The following CYP2C19 variants were observed in gnomAD, a reference collection of about 807,000 sequenced individuals.
CYP2C19 encodes the protein cytochrome P450 family 2 subfamily C member 19, also known as cytochrome P450 2C19.
A neutral mutation model predicts 40.9 loss-of-function variants in CYP2C19; 59 were observed. The observed-to-expected ratio is 1.44, with a 90% CI of 1.17 to 1.79. The LOEUF is 1.79. CYP2C19 is among the 40% of genes most tolerant of loss of function. CYP2C19 has a pLI of 0.00. For missense variants in CYP2C19, 754 were observed against 596.9 expected (o/e 1.26, Z -2.74); for synonymous variants, 253 against 208.7 (o/e 1.21, Z -1.83).
rs1849365868 is a variant in CYP2C19 at position 94,834,013 on chromosome 10, A to G, written c.962-8824A>G. 6.6e-5 allele frequency among the ~76,000 whole-genome samples: 10 copies of G among 152,314 alleles called. No homozygotes were observed. In the South Asian group the frequency reaches 2.1e-3, roughly 32 times the overall value. Reference sequence around the variant, plus strand: ...TTGGTATCAGGGTAATACTGGCTTCATAGAATGAGTTTGGAAGTATTCTCT... The same window carrying G: ...TTGGTATCAGGGTAATACTGGCTTCGTAGAATGAGTTTGGAAGTATTCTCT... On this transcript the variant is annotated intron_variant, in intron 6 of 8. Coordinates refer to ENST00000371321, the MANE Select transcript of CYP2C19 (RefSeq NM_000769.4).
intron 6 of CYP2C19, among the ~76,000 whole-genome samples, chr10:94,835,823 C>T (rs901276649): frequency 6.6e-6 from 1 of 152,206 alleles, no homozygotes; most frequent in Admixed American, 6.5e-5. Flanking sequence ...CGAGTGAGGG[C>T]TATTAGTTCT....
chr10:94,789,054 G>C (rs1477709720), intron 5 of CYP2C19, among the ~76,000 whole-genome samples: 1 of 152,068 alleles, frequency 6.6e-6, no homozygotes, highest in African/African-American at 2.4e-5. Flanking sequence ...GGCATGTGAT[G>C]GTATCTCATT....
intron 6 of CYP2C19, among the ~76,000 whole-genome samples, chr10:94,831,213 CTT>C (rs201682436): frequency 7.2e-5 from 11 of 152,152 alleles, no homozygotes; most frequent in African/African-American, 2.7e-4. Flanking sequence ...GAATCTCATT[CTT>C]TTTTTATGGC....
At chr10:94,768,928 C>T (rs923947438) in intron 1 of CYP2C19, among the ~76,000 whole-genome samples, 20 of 152,154 alleles carry the variant, frequency 1.3e-4, no homozygotes, top group Non-Finnish European at 2.2e-4. Context: ...TGAGTATTTG[C>T]CCTCTGGGTT....
In CYP2C19 at chr10:94,819,118, A is replaced by G. The variant is rs1379204072; in HGVS notation, c.820-1378A>G. Among the ~76,000 whole-genome samples the G allele has an allele frequency of 1.3e-3, 201 of 151,034 alleles. 1 individual carries two copies. Among genetic ancestry groups the G allele is most frequent in the African/African-American group, 4.6e-3 (189 of 41,072 alleles). On this transcript the variant is annotated intron_variant, in intron 5 of 8. Transcript: ENST00000371321. ...AACTGCTCAACTACATGGAAACTGA[A>G]CAACCTGCTCCTGAATGACTACTGG... is the stretch of plus-strand genomic sequence containing the variant.
In CYP2C19 at chr10:94,852,973, C is replaced by A; in HGVS notation, c.*59C>A. 1 of 1,552,246 alleles carries A rather than the reference C, an allele frequency of 6.4e-7. No individual in the cohort carries two copies. Among genetic ancestry groups the A allele is most frequent in the South Asian group, 1.1e-5 (1 of 87,978 alleles). ...TCCCTGCAGCTCTCTTTCCTCTGGT[C>A]CAAATTTCACTATCTGTGATGCTTC... On this transcript the variant is annotated 3_prime_UTR_variant, in exon 9 of 9. Coordinates refer to ENST00000371321, the MANE Select transcript of CYP2C19 (RefSeq NM_000769.4).
Position 94,850,062 on chromosome 10 carries a change from A to G in CYP2C19, c.1291+4A>G. On this transcript the variant is annotated splice_donor_region_variant and intron_variant, in intron 8 of 8. Transcript: ENST00000371321. ...TACTTCATGCCTTTCTCAGCAGGTA[A>G]TATAAATTTATTTCCCTTTGTGTTT... 1 of 1,613,188 alleles carries G rather than the reference A, an allele frequency of 6.2e-7. No homozygotes were observed. Among genetic ancestry groups the G allele is most frequent in the East Asian group, 2.2e-5 (1 of 44,838 alleles).
Position 94,835,866 on chromosome 10 carries a change from A to G in CYP2C19, c.962-6971A>G, listed in dbSNP as rs538238032. On this transcript the variant is annotated intron_variant, in intron 6 of 8. Coordinates refer to ENST00000371321, the MANE Select transcript of CYP2C19 (RefSeq NM_000769.4). ...GAGCACTAGTTCCTGGTGTGAGGAG[A>G]TTACTTTCAAGTATTCCATTATCAC... Among the ~76,000 whole-genome samples, 6 of 152,162 alleles carry G rather than the reference A, an allele frequency of 3.9e-5. No individual in the cohort carries two copies. The South Asian group carries it at 1.2e-3, about 32-fold the overall frequency.
At chr10:94,827,499 G>C (rs376897993) in intron 6 of CYP2C19, among the ~76,000 whole-genome samples, 6 of 151,884 alleles carry the variant, frequency 4.0e-5, no homozygotes, top group African/African-American at 1.5e-4. Context: ...CTGTGGGATC[G>C]GTGGTGATAT....
At chr10:94,827,177 A>C (rs970373655) in intron 6 of CYP2C19, among the ~76,000 whole-genome samples, 5 of 151,750 alleles carry the variant, frequency 3.3e-5, no homozygotes, top group South Asian at 2.1e-4. Context: ...CTGGCCTCAT[A>C]AAATGAGTTA....
At chr10:94,810,478 A>C (rs1364102148) in intron 5 of CYP2C19, among the ~76,000 whole-genome samples, 1 of 151,792 alleles carries the variant, frequency 6.6e-6, no homozygotes, top group Admixed American at 6.6e-5. Flanking sequence ...TCCTCTTTGT[A>C]CCTCTGGTAG....
chr10:94,820,354 C>T (rs1021152361), intron 5 of CYP2C19, 142 bp from the exon 6 acceptor site: 89 of 923,546 alleles, frequency 9.6e-5, no homozygotes, highest in South Asian at 1.6e-4. Flanking sequence ...CCTCTCTCAC[C>T]GCTCCTATTC....
intron 1 of CYP2C19, among the ~76,000 whole-genome samples, chr10:94,772,926 C>T (rs185088004): frequency 5.4e-4 from 82 of 152,302 alleles, no homozygotes; most frequent in South Asian, 1.9e-3. Flanking sequence ...GGACTACAGG[C>T]GCCCGCCACC....
intron 5 of CYP2C19, among the ~76,000 whole-genome samples, chr10:94,782,602 A>G (rs1383118974): frequency 6.6e-6 from 1 of 152,186 alleles, no homozygotes; most frequent in Non-Finnish European, 1.5e-5. Flanking sequence ...CAGCAATCCA[A>G]TTACTGGATA....
intron 5 of CYP2C19, among the ~76,000 whole-genome samples, chr10:94,788,399 A>T (rs1018728651): frequency 6.6e-6 from 1 of 152,020 alleles, no homozygotes; most frequent in Non-Finnish European, 1.5e-5. Context: ...GGTATTTTTT[A>T]AAATTTTTAA....
chr10:94,809,099 A>T (rs545230186), intron 5 of CYP2C19, among the ~76,000 whole-genome samples: 4 of 152,178 alleles, frequency 2.6e-5, no homozygotes, highest in African/African-American at 4.8e-5. Flanking sequence ...AGCATATGTT[A>T]TTGCTCATCT....
intron 1 of CYP2C19, among the ~76,000 whole-genome samples, chr10:94,766,443 A>C (rs1489609298): frequency 6.6e-6 from 1 of 152,132 alleles, no homozygotes; most frequent in Non-Finnish European, 1.5e-5. Context: ...GAAGGAAGAC[A>C]GAAAAAAGGT....
intron 6 of CYP2C19, among the ~76,000 whole-genome samples, chr10:94,835,384 T>G (rs1002348129): frequency 6.6e-6 from 1 of 152,206 alleles, no homozygotes; most frequent in Non-Finnish European, 1.5e-5. Flanking sequence ...TTTCCTTTTT[T>G]GGTGGCTAGC....
chr10:94,848,250 T>C (rs1430829351), intron 7 of CYP2C19, among the ~76,000 whole-genome samples: 2 of 152,214 alleles, frequency 1.3e-5, no homozygotes, highest in East Asian at 3.8e-4. Context: ...GAATTAATTT[T>C]TGTATAAGGT....
Sources: gnomAD v4.1 joint callset for allele counts (sites outside exome capture counted in the v4.1 genomes callset) on GRCh38, gnomAD v4.1.1 for gene constraint, MANE v1.5 for transcripts, NCBI Gene and HGNC (gene_info 2026-07-23, HGNC 2026-07-21) for gene names.